SH3RF3: variants seen among roughly 807,000 people sequenced by gnomAD.
SH3RF3 encodes SH3 domain containing ring finger 3.
SH3RF3 carries 29 observed loss-of-function variants against 66.3 expected under a neutral mutation model. That is an observed-to-expected ratio of 0.44 (90% CI 0.33 to 0.60). The LOEUF is 0.60. SH3RF3 is among the 20% of genes least tolerant of loss of function. The pLI is 0.04. For synonymous variants in SH3RF3, 583 were observed against 532.0 expected, an observed-to-expected ratio of 1.10 and a Z score of -1.32; for missense variants, 1,194 against 1,190.9, an observed-to-expected ratio of 1.00 and a Z score of -0.04.
chr2:109,417,352 C>A (rs1366462066), intron 4 of SH3RF3, among the ~76,000 whole-genome samples: 1 of 152,168 alleles, frequency 6.6e-6, no homozygotes, highest in Non-Finnish European at 1.5e-5. Flanking sequence ...GGAAAGTGAT[C>A]CTGGCATTGT....
At chr2:109,156,897 G>A (rs1391962048) in intron 1 of SH3RF3, among the ~76,000 whole-genome samples, 2 of 152,200 alleles carry the variant, frequency 1.3e-5, no homozygotes, top group Non-Finnish European at 2.9e-5. Context: ...AATGGCTAAT[G>A]GAGGCAGTTA....
intron 1 of SH3RF3, among the ~76,000 whole-genome samples, chr2:109,236,884 T>TA (rs1679662585): frequency 6.6e-6 from 1 of 152,138 alleles, no homozygotes; most frequent in Non-Finnish European, 1.5e-5. Context: ...GACCTGTACT[T>TA]ACAGCTCAGG....
At chr2:109,379,320 T>G (rs1683458461) in intron 3 of SH3RF3, among the ~76,000 whole-genome samples, 1 of 152,218 alleles carries the variant, frequency 6.6e-6, no homozygotes, top group South Asian at 2.1e-4. Flanking sequence ...CCAGGACTTT[T>G]CCTTAGATGA....
At chr2:109,465,228 G>A (rs1678310429) in intron 8 of SH3RF3, among the ~76,000 whole-genome samples, 1 of 152,142 alleles carries the variant, frequency 6.6e-6, no homozygotes, top group Non-Finnish European at 1.5e-5. Flanking sequence ...ACTTACCAAA[G>A]GACATCTTAG....
intron 1 of SH3RF3, among the ~76,000 whole-genome samples, chr2:109,224,283 T>C (rs1407192509): frequency 6.6e-6 from 1 of 152,228 alleles, no homozygotes; most frequent in African/African-American, 2.4e-5. Flanking sequence ...ATAAGACTTG[T>C]TTGGTATTAT....
chr2:109,392,643 G>A (rs748219054), intron 3 of SH3RF3, among the ~76,000 whole-genome samples: 120 of 151,980 alleles, frequency 7.9e-4, no homozygotes, highest in Non-Finnish European at 1.6e-3. Flanking sequence ...CTCAGCCTCC[G>A]GAGTAGCTGG....
chr2:109,191,585 G>A (rs1238890098), intron 1 of SH3RF3, among the ~76,000 whole-genome samples: 1 of 152,196 alleles, frequency 6.6e-6, no homozygotes, highest in African/African-American at 2.4e-5. Context: ...GACTTGAGGG[G>A]CAGGCATTTC....
intron 2 of SH3RF3, among the ~76,000 whole-genome samples, chr2:109,358,521 G>A (rs1430181230): frequency 6.6e-6 from 1 of 152,210 alleles, no homozygotes; most frequent in African/African-American, 2.4e-5. Context: ...TGCCAGCCGT[G>A]AATGAGCGTT....
chr2:109,368,502 A>G (rs190882392), intron 2 of SH3RF3, among the ~76,000 whole-genome samples: 28 of 152,256 alleles, frequency 1.8e-4, no homozygotes, highest in Admixed American at 1.6e-3. Flanking sequence ...TATATGAGAA[A>G]GCCAATGATT....
At chr2:109,265,538 G>T (rs1680468264) in intron 1 of SH3RF3, among the ~76,000 whole-genome samples, 1 of 152,304 alleles carries the variant, frequency 6.6e-6, no homozygotes, top group South Asian at 2.1e-4. Context: ...ATAGGCTGGG[G>T]TCCCTGCAAG....
intron 3 of SH3RF3, among the ~76,000 whole-genome samples, chr2:109,386,407 C>A (rs1479947885): frequency 2.7e-5 from 4 of 150,698 alleles, no homozygotes; most frequent in East Asian, 3.9e-4. Flanking sequence ...ATGACTGTTA[C>A]AAGAAGTTTA....
intron 1 of SH3RF3, among the ~76,000 whole-genome samples, chr2:109,284,248 TG>T (rs1680966556): frequency 6.6e-6 from 1 of 152,220 alleles, no homozygotes. Flanking sequence ...CTTGTCATTT[TG>T]GTGGGTGTTC....
At chr2:109,208,294 G>C (rs930910910) in intron 1 of SH3RF3, among the ~76,000 whole-genome samples, 1 of 152,256 alleles carries the variant, frequency 6.6e-6, no homozygotes, top group Non-Finnish European at 1.5e-5. Context: ...GCCACCTGCA[G>C]GTGGGGCATA....
chr2:109,497,740 C>T (rs1679291641), intron 9 of SH3RF3, among the ~76,000 whole-genome samples: 1 of 152,250 alleles, frequency 6.6e-6, no homozygotes, highest in Non-Finnish European at 1.5e-5. Flanking sequence ...ATTCAGCCCA[C>T]ATCCATCTGG....
chr2:109,311,929 G>A (rs1681735508), intron 1 of SH3RF3, among the ~76,000 whole-genome samples: 1 of 152,128 alleles, frequency 6.6e-6, no homozygotes, highest in Non-Finnish European at 1.5e-5. Context: ...TGGATGAGAT[G>A]GAGTCACAGA....
intron 1 of SH3RF3, among the ~76,000 whole-genome samples, chr2:109,178,295 GCT>G (rs1303839646): frequency 6.6e-6 from 1 of 152,080 alleles, no homozygotes; most frequent in African/African-American, 2.4e-5. Flanking sequence ...AATTTTTAGA[GCT>G]CTTTTATGAA....
intron 1 of SH3RF3, among the ~76,000 whole-genome samples, chr2:109,257,336 A>G (rs923211789): frequency 6.6e-6 from 1 of 150,614 alleles, no homozygotes; most frequent in African/African-American, 2.4e-5. Flanking sequence ...AATGAAGGAA[A>G]GAAAGGAATT....
chr2:109,492,595 G>A (rs1363590145), intron 9 of SH3RF3, among the ~76,000 whole-genome samples: 1 of 151,690 alleles, frequency 6.6e-6, no homozygotes, highest in African/African-American at 2.4e-5. Context: ...ACCTTCCCAC[G>A]AACCCTATGA....
intron 1 of SH3RF3, among the ~76,000 whole-genome samples, chr2:109,219,629 A>C (rs1386825214): frequency 1.3e-5 from 2 of 152,242 alleles, no homozygotes; most frequent in Non-Finnish European, 2.9e-5. Flanking sequence ...TAAAGCTCAC[A>C]GTTCAGTTGT....
Sources: gnomAD v4.1 joint callset for allele counts (sites outside exome capture counted in the v4.1 genomes callset) on GRCh38, gnomAD v4.1.1 for gene constraint, MANE v1.5 for transcripts, NCBI Gene and HGNC (gene_info 2026-07-23, HGNC 2026-07-21) for gene names.